The following KIAA1217 variants were observed in gnomAD, a reference collection of about 807,000 sequenced individuals.
KIAA1217 encodes KIAA1217, also known as sickle tail protein homolog.
Under a neutral mutation model 163.9 loss-of-function variants are expected in KIAA1217, and 88 were observed. The observed-to-expected ratio is 0.54, with a 90% CI of 0.45 to 0.64. KIAA1217 has a LOEUF of 0.64. Ranked by LOEUF, KIAA1217 falls within the 30% of genes least tolerant of loss-of-function variation. The pLI is 0.00. For missense variants in KIAA1217, 2,372 were observed against 2,475.0 expected, an observed-to-expected ratio of 0.96 and a Z score of 0.88; for synonymous variants, 903 against 923.1, an observed-to-expected ratio of 0.98 and a Z score of 0.39.
At chr10:24,081,100 A>G (rs958285798) in intron 2 of KIAA1217, among the ~76,000 whole-genome samples, 1 of 152,194 alleles carries the variant, frequency 6.6e-6, no homozygotes, top group African/African-American at 2.4e-5. Context: ...TTTCTCCTGC[A>G]TGTTTGATAA....
At chr10:24,218,249 G>A (rs1182086991) in intron 1 of KIAA1217, among the ~76,000 whole-genome samples, 2 of 151,850 alleles carry the variant, frequency 1.3e-5, no homozygotes, top group South Asian at 2.1e-4. Flanking sequence ...CCCAACCATC[G>A]AGGATGAATG....
intron 1 of KIAA1217, among the ~76,000 whole-genome samples, chr10:24,003,691 C>T (rs1056002612): frequency 2.6e-5 from 4 of 152,146 alleles, no homozygotes; most frequent in Non-Finnish European, 5.9e-5. Context: ...ACAAATACTG[C>T]GCTATCACAG....
intron 2 of KIAA1217, among the ~76,000 whole-genome samples, chr10:24,186,000 A>T (rs768097086): frequency 4.6e-5 from 7 of 152,072 alleles, no homozygotes; most frequent in Non-Finnish European, 8.8e-5. Context: ...AAAATGAGGA[A>T]AATCAACATA....
intron 1 of KIAA1217, among the ~76,000 whole-genome samples, chr10:23,841,404 G>A (rs1433914551): frequency 2.0e-5 from 3 of 152,220 alleles, no homozygotes; most frequent in South Asian, 4.2e-4. Flanking sequence ...CACAGTCCTC[G>A]ATGCACATAA....
chr10:24,167,836 G>T (rs2065429414), intron 2 of KIAA1217, among the ~76,000 whole-genome samples: 1 of 152,134 alleles, frequency 6.6e-6, no homozygotes, highest in South Asian at 2.1e-4. Context: ...AAGATCAAGG[G>T]GTTGGCATCT....
chr10:23,940,478 AAAAAAAG>A (rs1392276143), intron 1 of KIAA1217, among the ~76,000 whole-genome samples: 8 of 150,548 alleles, frequency 5.3e-5, no homozygotes, highest in East Asian at 1.9e-4. Context: ...AAAAAAAAAA[AAAAAAAG>A]AAAAAAGAAA....
At chr10:23,913,934 C>T (rs188284533) in intron 1 of KIAA1217, among the ~76,000 whole-genome samples, 5 of 152,124 alleles carry the variant, frequency 3.3e-5, no homozygotes, top group African/African-American at 9.7e-5. Flanking sequence ...TCTTCCTCTA[C>T]GTAACCAGCA....
intron 2 of KIAA1217, among the ~76,000 whole-genome samples, chr10:24,040,368 T>A (rs957126253): frequency 6.6e-6 from 1 of 152,206 alleles, no homozygotes; most frequent in Non-Finnish European, 1.5e-5. Flanking sequence ...CCAAGGTTAG[T>A]TTCTTTGTGA....
At chr10:24,401,792 C>A (rs2056554553) in intron 3 of KIAA1217, among the ~76,000 whole-genome samples, 1 of 151,884 alleles carries the variant, frequency 6.6e-6, no homozygotes, top group Non-Finnish European at 1.5e-5. Context: ...TCTCTGTTTG[C>A]AGATGACATT....
intron 2 of KIAA1217, among the ~76,000 whole-genome samples, chr10:24,332,914 G>A (rs1378383074): frequency 1.3e-5 from 2 of 152,068 alleles, no homozygotes; most frequent in African/African-American, 2.4e-5. Context: ...GAGGAATTTA[G>A]GATCAGAGGT....
intron 1 of KIAA1217, among the ~76,000 whole-genome samples, chr10:23,819,223 C>T (rs957400744): frequency 2.6e-5 from 4 of 152,180 alleles, no homozygotes; most frequent in African/African-American, 9.6e-5. Context: ...TAAAAGACTG[C>T]ATTGTCCAGG....
At chr10:24,201,031 G>A (rs956854655) in intron 2 of KIAA1217, among the ~76,000 whole-genome samples, 2 of 152,086 alleles carry the variant, frequency 1.3e-5, no homozygotes, top group Non-Finnish European at 2.9e-5. Context: ...GGCACTTTAG[G>A]GGGCTGAGGT....
chr10:24,491,409 C>G (rs1326583940), intron 6 of KIAA1217, among the ~76,000 whole-genome samples: 1 of 150,958 alleles, frequency 6.6e-6, no homozygotes, highest in Non-Finnish European at 1.5e-5. Context: ...CCTGCCTCAG[C>G]CTCCCGAGTA....
intron 5 of KIAA1217, among the ~76,000 whole-genome samples, chr10:24,463,512 AC>A (rs1403286133): frequency 1.3e-5 from 2 of 152,246 alleles, no homozygotes; most frequent in African/African-American, 4.8e-5. Flanking sequence ...CTAAAACCTT[AC>A]AAATGGCAAT....
At chr10:24,395,918 T>C (rs982241929) in intron 3 of KIAA1217, among the ~76,000 whole-genome samples, 2 of 152,180 alleles carry the variant, frequency 1.3e-5, no homozygotes, top group African/African-American at 4.8e-5. Context: ...CAGGTGGTCA[T>C]CTACCTCAGC....
chr10:24,276,367 T>C (rs891676332), intron 2 of KIAA1217, among the ~76,000 whole-genome samples: 1 of 152,246 alleles, frequency 6.6e-6, no homozygotes, highest in African/African-American at 2.4e-5. Context: ...CATCTCGTTC[T>C]GCCCGGTTTG....
chr10:23,848,469 C>T (rs932211219), intron 1 of KIAA1217, among the ~76,000 whole-genome samples: 1 of 151,524 alleles, frequency 6.6e-6, no homozygotes, highest in African/African-American at 2.4e-5. Context: ...CCCAAATGCC[C>T]ACTCAGCATC....
At chr10:23,816,286 G>A (rs1046424715) in intron 1 of KIAA1217, among the ~76,000 whole-genome samples, 10 of 151,818 alleles carry the variant, frequency 6.6e-5, no homozygotes, top group African/African-American at 2.2e-4. Flanking sequence ...TTTTGTTGTT[G>A]TTGTTGTTTG....
At position 23,781,330 on chromosome 10, in the gene KIAA1217, A is replaced by T. The variant is rs567962792; in HGVS notation, c.-321+86096A>T. 2.6e-4 allele frequency among the ~76,000 whole-genome samples: 39 copies of T among 152,116 alleles called. No homozygotes were observed. In the South Asian group the frequency reaches 4.4e-3, roughly 17 times the overall value. ...ACTAATAAGTGTGGGGTGATATCTC[A>T]TTGTGGTTTTGATTTGCATTTCTCT... On this transcript the variant is annotated intron_variant, in intron 1 of 18. Transcript: ENST00000376462.
Sources: gnomAD v4.1 joint callset for allele counts (sites outside exome capture counted in the v4.1 genomes callset) on GRCh38, gnomAD v4.1.1 for gene constraint, MANE v1.5 for transcripts, NCBI Gene and HGNC (gene_info 2026-07-23, HGNC 2026-07-21) for gene names.